DNAH5: variants seen among roughly 807,000 people sequenced by gnomAD.
DNAH5 encodes the protein axonemal beta dynein heavy chain 5.
In DNAH5, 372 loss-of-function variants were observed where a neutral mutation model predicts 518.2. The ratio of observed to expected loss-of-function variants is 0.72; its 90% CI spans 0.66 to 0.78. The LOEUF (loss-of-function observed/expected upper bound fraction) is 0.78, where lower values mean the gene tolerates loss of function less well. Among genes scored for constraint, DNAH5 ranks in the 30% least tolerant of loss-of-function variants. The pLI, the probability that DNAH5 is intolerant of heterozygous loss-of-function variation, is 0.00. For missense variants in DNAH5, 5,523 were observed against 5,687.0 expected (o/e 0.97, Z 0.93); for synonymous variants, 2,039 against 2,025.9 (o/e 1.01, Z -0.17).
chr5:13,713,452 T>C (rs1579866106), intron 75 of DNAH5, among the ~76,000 whole-genome samples: 1 of 130,748 alleles, frequency 7.6e-6, no homozygotes, highest in Non-Finnish European at 1.6e-5. Flanking sequence ...TATATATATA[T>C]ATATATATAT....
At chr5:13,698,677 G>A (rs1281690727) in intron 78 of DNAH5, among the ~76,000 whole-genome samples, 1 of 152,072 alleles carries the variant, frequency 6.6e-6, no homozygotes, top group Non-Finnish European at 1.5e-5. Context: ...ACTACACTTG[G>A]GGGCCATTTT....
intron 73 of DNAH5, 142 bp from the exon 74 acceptor site, chr5:13,716,832 G>T: frequency 1.4e-6 from 1 of 715,168 alleles, no homozygotes; most frequent in Admixed American, 2.1e-5. Flanking sequence ...AGTGCAGAAA[G>T]AAAAGTAAAA....
intron 1 of DNAH5, among the ~76,000 whole-genome samples, chr5:13,954,376 C>T (rs1238131678): frequency 2.0e-5 from 3 of 152,070 alleles, no homozygotes; most frequent in East Asian, 1.9e-4. Flanking sequence ...GCTCATGAGT[C>T]GACACGTGGA....
At chr5:13,910,773 T>A (rs1561553209) in intron 12 of DNAH5, among the ~76,000 whole-genome samples, 1 of 152,312 alleles carries the variant, frequency 6.6e-6, no homozygotes, top group East Asian at 1.9e-4. Flanking sequence ...CAGAACTGGC[T>A]AGCCCAACCC....
intron 64 of DNAH5, 150 bp from the exon 65 acceptor site, chr5:13,751,410 G>A: frequency 1.4e-6 from 1 of 735,788 alleles, no homozygotes; most frequent in Non-Finnish European, 2.2e-6. Context: ...CGTCTGCACA[G>A]CTTCAGACAA....
intron 49 of DNAH5, 124 bp downstream of exon 49, chr5:13,793,391 G>A (rs1757306405): frequency 5.2e-6 from 4 of 774,332 alleles, no homozygotes; most frequent in Non-Finnish European, 9.2e-6. Flanking sequence ...GAGAGTGATG[G>A]AGGCTGTAGA....
intron 1 of DNAH5, among the ~76,000 whole-genome samples, chr5:13,950,113 G>A (rs1332728981): frequency 2.0e-5 from 3 of 152,166 alleles, no homozygotes; most frequent in African/African-American, 7.2e-5. Context: ...TTATAACATG[G>A]TACACAAAAC....
intron 53 of DNAH5, among the ~76,000 whole-genome samples, chr5:13,780,608 GCTA>G (rs1188756681): frequency 6.6e-6 from 1 of 152,176 alleles, no homozygotes; most frequent in African/African-American, 2.4e-5. Flanking sequence ...TAGGGAGGTG[GCTA>G]CTAAGTGAGA....
At chr5:13,999,299 T>G (rs1648251059) in intron 1 of DNAH5, among the ~76,000 whole-genome samples, 1 of 152,268 alleles carries the variant, frequency 6.6e-6, no homozygotes, top group African/African-American at 2.4e-5. Context: ...ACAACAGATC[T>G]CTAGGGCTTA....
At chr5:13,702,775 G>T (rs1181214644) in intron 76 of DNAH5, among the ~76,000 whole-genome samples, 1 of 152,188 alleles carries the variant, frequency 6.6e-6, no homozygotes, top group African/African-American at 2.4e-5. Context: ...AAGACAAGAA[G>T]CAGCAGTCCT....
intron 4 of DNAH5, 97 bp downstream of exon 4, chr5:13,923,183 G>A (rs925946940): frequency 3.4e-6 from 5 of 1,478,644 alleles, no homozygotes; most frequent in African/African-American, 2.8e-5. Context: ...TTTAGATACT[G>A]TAGTGAATAC....
At chr5:13,837,540 G>A (rs1191823829) in intron 35 of DNAH5, among the ~76,000 whole-genome samples, 2 of 148,292 alleles carry the variant, frequency 1.3e-5, no homozygotes, top group East Asian at 4.1e-4. Context: ...TGGTGGTGGA[G>A]ATGAATGCGT....
chr5:13,702,821 G>A (rs1390992560), intron 76 of DNAH5, among the ~76,000 whole-genome samples: 3 of 152,112 alleles, frequency 2.0e-5, no homozygotes, highest in Admixed American at 2.0e-4. Context: ...TCACTGCCTT[G>A]TAATCTGCTG....
Position 13,691,097 on chromosome 5 carries a change from C to T in DNAH5, c.*887G>A, listed in dbSNP as rs569999464. On this transcript the variant is annotated 3_prime_UTR_variant, in exon 79 of 79. Coordinates refer to ENST00000265104, the MANE Select transcript of DNAH5 (RefSeq NM_001369.3). Reference sequence around the variant, plus strand: ...GCCAAATATCTCTTAATTTCCTTAACCATAGCCTGACTATTGAATATTTAT... The same window carrying T: ...GCCAAATATCTCTTAATTTCCTTAATCATAGCCTGACTATTGAATATTTAT... 5 of 152,274 alleles carry T rather than the reference C, an allele frequency of 3.3e-5. No homozygotes were observed. The East Asian group carries it at 5.8e-4, about 18-fold the overall frequency. The allele number at this position is 152,274 out of a possible 1,614,324, so 9.4% of individuals were successfully genotyped here.
chr5:13,763,901 T>C (rs1752124813), intron 59 of DNAH5, among the ~76,000 whole-genome samples: 1 of 152,186 alleles, frequency 6.6e-6, no homozygotes, highest in Non-Finnish European at 1.5e-5. Context: ...CAGGATTCCA[T>C]CCAAAGTCCA....
intron 12 of DNAH5, 49 bp from the exon 13 acceptor site, chr5:13,902,187 T>C: frequency 7.3e-7 from 1 of 1,361,080 alleles, no homozygotes; most frequent in South Asian, 1.2e-5. Flanking sequence ...GGGAATTTAC[T>C]GTTTAGCAAC....
chr5:13,782,471 T>G (rs1245693674), intron 52 of DNAH5, among the ~76,000 whole-genome samples: 2 of 152,130 alleles, frequency 1.3e-5, no homozygotes, highest in African/African-American at 4.8e-5. Flanking sequence ...GTCCCCTCTA[T>G]GTGGTTCTCG....
chr5:13,829,852 GC>G (rs1329307965), intron 37 of DNAH5, 148 bp from the exon 38 acceptor site: 1 of 1,102,560 alleles, frequency 9.1e-7, no homozygotes, highest in African/African-American at 1.6e-5. Context: ...ACCTGGACAG[GC>G]TAAGTCATGA....
In DNAH5 at chr5:13,691,674, C is replaced by T. The variant is rs1192238833; in HGVS notation, c.*310G>A. ...CTCCCAGAGAAATACTGTCTGCTTA[C>T]CCTAGTCAGTCTTCGGAGCGAAGTA... On this transcript the variant is annotated 3_prime_UTR_variant, in exon 79 of 79. Coordinates refer to ENST00000265104, the MANE Select transcript of DNAH5 (RefSeq NM_001369.3). 5.7e-6 allele frequency: 2 copies of T among 351,044 alleles called. No homozygotes were observed. The highest frequency in any genetic ancestry group is 1.1e-5 in the Non-Finnish European group (2 of 185,912). The allele number at this position is 351,044 out of a possible 1,614,324, so 21.7% of individuals were successfully genotyped here.
Sources: gnomAD v4.1 joint callset for allele counts (sites outside exome capture counted in the v4.1 genomes callset) on GRCh38, gnomAD v4.1.1 for gene constraint, MANE v1.5 for transcripts, NCBI Gene and HGNC (gene_info 2026-07-23, HGNC 2026-07-21) for gene names.